Variants in NCKAP5 observed in about 807,000 individuals in gnomAD.
NCKAP5 encodes nck-associated protein 5.
In NCKAP5, 92 loss-of-function variants were observed where a neutral mutation model predicts 167.0. That is an observed-to-expected ratio of 0.55 (90% CI 0.47 to 0.66). The LOEUF (loss-of-function observed/expected upper bound fraction) is 0.66, where lower values mean the gene tolerates loss of function less well. Ranked by LOEUF, NCKAP5 falls within the 30% of genes least tolerant of loss-of-function variation. NCKAP5 has a pLI of 0.00. For missense variants in NCKAP5, 2,378 were observed against 2,315.0 expected (o/e 1.03, Z -0.56); for synonymous variants, 891 against 877.4 (o/e 1.02, Z -0.27).
intron 3 of NCKAP5, among the ~76,000 whole-genome samples, chr2:133,359,500 C>A (rs748506201): frequency 1.4e-4 from 21 of 152,148 alleles, no homozygotes; most frequent in Admixed American, 2.6e-4. Context: ...GATCAAGAAT[C>A]CATTTTTTTG....
chr2:133,236,681 A>C (rs1170320984), intron 4 of NCKAP5, among the ~76,000 whole-genome samples: 1 of 152,242 alleles, frequency 6.6e-6, no homozygotes, highest in Non-Finnish European at 1.5e-5. Flanking sequence ...TTGGATTCTA[A>C]ATCAGGTTAA....
intron 8 of NCKAP5, among the ~76,000 whole-genome samples, chr2:132,931,762 T>C (rs1286856803): frequency 1.3e-5 from 2 of 152,240 alleles, no homozygotes; most frequent in African/African-American, 4.8e-5. Context: ...TGTAGCTCCC[T>C]AGGTAATTAT....
chr2:132,712,422 G>A lies in NCKAP5; in HGVS notation c.5713+13205C>T, dbSNP rs188002640. On this transcript the variant is annotated intron_variant, in intron 19 of 19. Coordinates refer to ENST00000409261, the MANE Select transcript of NCKAP5 (RefSeq NM_207363.3). ...ATCCCAGCACTTTGGGAGGCCAAGG[G>A]GGGCGGATCATGAGGTCAGGAGATT... is the stretch of plus-strand genomic sequence containing the variant. Among the ~76,000 whole-genome samples the A allele has an allele frequency of 2.0e-5, 3 of 152,204 alleles. No individual in the cohort carries two copies. In the South Asian group the frequency reaches 6.2e-4, roughly 32 times the overall value.
At position 132,883,507 on chromosome 2, in the gene NCKAP5, C is replaced by T. The variant is rs577773800; in HGVS notation, c.580-4591G>A. 6.7e-4 allele frequency among the ~76,000 whole-genome samples: 102 copies of T among 152,222 alleles called. 1 individual carries two copies. The South Asian group carries it at 9.1e-3, about 14-fold the overall frequency. The stretch of plus-strand genomic sequence containing the variant: ...CTTTTCCTTTTCCCCTTCACAACCA[C>T]GTCTCCACACTGCACCTCCTCTTTC... On this transcript the variant is annotated intron_variant, in intron 8 of 19. Coordinates refer to ENST00000409261, the MANE Select transcript of NCKAP5 (RefSeq NM_207363.3).
At chr2:133,106,123 C>G (rs1181149902) in intron 6 of NCKAP5, among the ~76,000 whole-genome samples, 1 of 148,026 alleles carries the variant, frequency 6.8e-6, no homozygotes, top group Non-Finnish European at 1.5e-5. Flanking sequence ...GAAACCCCAT[C>G]TCTACTAAAA....
intron 3 of NCKAP5, among the ~76,000 whole-genome samples, chr2:133,349,036 T>C (rs1374485086): frequency 1.3e-5 from 2 of 152,234 alleles, no homozygotes; most frequent in Non-Finnish European, 2.9e-5. Context: ...AGCAGCTTAC[T>C]TTGAGCACAC....
chr2:133,363,743 A>T (rs1317002753), intron 3 of NCKAP5, among the ~76,000 whole-genome samples: 1 of 152,090 alleles, frequency 6.6e-6, no homozygotes, highest in Non-Finnish European at 1.5e-5. Context: ...AAAATACTAG[A>T]TGGACTTTTG....
At chr2:132,708,896 A>G (rs910763454) in intron 19 of NCKAP5, among the ~76,000 whole-genome samples, 3 of 152,082 alleles carry the variant, frequency 2.0e-5, no homozygotes, top group Non-Finnish European at 4.4e-5. Flanking sequence ...TAGGGTGTCC[A>G]TTGATGAATA....
At chr2:133,052,693 G>C (rs1165121280) in intron 6 of NCKAP5, among the ~76,000 whole-genome samples, 1 of 151,358 alleles carries the variant, frequency 6.6e-6, no homozygotes, top group African/African-American at 2.4e-5. Flanking sequence ...ACTCCAGCCT[G>C]GGCGACAAAA....
chr2:133,591,567 T>C, the NCKAP5 span, among the ~76,000 whole-genome samples: 1 of 152,206 alleles, frequency 6.6e-6, no homozygotes, highest in African/African-American at 2.4e-5. Context: ...GAGAACATTT[T>C]AACAACTGTC....
At chr2:133,637,176 C>A in the NCKAP5 span, among the ~76,000 whole-genome samples, 3 of 151,668 alleles carry the variant, frequency 2.0e-5, no homozygotes, top group Admixed American at 1.3e-4. Flanking sequence ...CGCACTTCTC[C>A]TACCACCAAT....
chr2:133,196,070 G>A (rs1020847341), intron 5 of NCKAP5, among the ~76,000 whole-genome samples: 3 of 152,116 alleles, frequency 2.0e-5, no homozygotes, highest in Middle Eastern at 3.2e-3. Context: ...ATAGGAGTTA[G>A]AAGAAACCAG....
chr2:133,549,481 G>T (rs2104942173), intron 2 of NCKAP5, among the ~76,000 whole-genome samples: 1 of 143,348 alleles, frequency 7.0e-6, no homozygotes, highest in South Asian at 2.4e-4. Context: ...TGAACAACCT[G>T]CTCCTGAATG....
At chr2:132,933,697 TC>T (rs1318160786) in intron 8 of NCKAP5, among the ~76,000 whole-genome samples, 1 of 152,232 alleles carries the variant, frequency 6.6e-6, no homozygotes, top group African/African-American at 2.4e-5. Context: ...TGTATGAGTT[TC>T]TTTTTTTGTC....
intron 5 of NCKAP5, among the ~76,000 whole-genome samples, chr2:133,138,889 T>C (rs1467379425): frequency 1.3e-5 from 2 of 152,206 alleles, no homozygotes; most frequent in Non-Finnish European, 2.9e-5. Flanking sequence ...CTGCTGCTCC[T>C]ACCCCCTGCA....
intron 3 of NCKAP5, among the ~76,000 whole-genome samples, chr2:133,421,051 T>C (rs1255656965): frequency 6.6e-6 from 1 of 152,218 alleles, no homozygotes; most frequent in Non-Finnish European, 1.5e-5. Flanking sequence ...CTAAACAGTC[T>C]TTCTAAAGTC....
In NCKAP5 at chr2:133,052,836, G is replaced by T. The variant is rs149959073; in HGVS notation, c.342-58597C>A. Among the ~76,000 whole-genome samples, 1,020 of 151,696 alleles carry T rather than the reference G, an allele frequency of 6.7e-3. 39 individuals are homozygous for T. The highest frequency in any genetic ancestry group is 0.059 in the Admixed American group (897 of 15,240). ...ATTGTTTATCAACAATAGAATATTT[G>T]TTCAACTAATGTAGAACATTCAACA... On this transcript the variant is annotated intron_variant, in intron 6 of 19. Coordinates refer to ENST00000409261, the MANE Select transcript of NCKAP5 (RefSeq NM_207363.3).
At chr2:133,104,271 A>G (rs892769017) in intron 6 of NCKAP5, among the ~76,000 whole-genome samples, 1 of 152,248 alleles carries the variant, frequency 6.6e-6, no homozygotes, top group African/African-American at 2.4e-5. Context: ...CAGAACTGCT[A>G]CCTGCTGAAC....
At chr2:132,769,922 G>A (rs76516896) in intron 16 of NCKAP5, among the ~76,000 whole-genome samples, 1,755 of 152,268 alleles carry the variant, frequency 0.012, 39 homozygotes, top group African/African-American at 0.04. Flanking sequence ...TGGTAATCAC[G>A]GCCAAGTAAA....
Sources: gnomAD v4.1 joint callset for allele counts (sites outside exome capture counted in the v4.1 genomes callset) on GRCh38, gnomAD v4.1.1 for gene constraint, MANE v1.5 for transcripts, NCBI Gene and HGNC (gene_info 2026-07-23, HGNC 2026-07-21) for gene names.